GGT6: variants seen among roughly 807,000 people sequenced by gnomAD.
The protein encoded by GGT6 is glutathione hydrolase 6.
A neutral mutation model predicts 17.0 loss-of-function variants in GGT6; 13 were observed. The observed-to-expected ratio is 0.77, with a 90% CI of 0.50 to 1.22. GGT6 has a LOEUF of 1.22. Ranked by LOEUF, GGT6 falls within the 50% of genes most tolerant of loss-of-function variation. The pLI is 0.00. For missense variants in GGT6, 628 were observed against 643.7 expected, an observed-to-expected ratio of 0.98 and a Z score of 0.26; for synonymous variants, 305 against 297.9, an observed-to-expected ratio of 1.02 and a Z score of -0.25.
Position 4,558,127 on chromosome 17 carries a change from G to T in GGT6, c.1388C>A (p.Thr463Lys), listed in dbSNP as rs774815991. 2 of 1,613,408 alleles carry T rather than the reference G, an allele frequency of 1.2e-6. No individual in the cohort carries two copies. Among genetic ancestry groups the T allele is most frequent in the Non-Finnish European group, 1.7e-6 (2 of 1,179,594 alleles). ...QHQHQGQQEP[T>K]EHPSTCGQGT... The stretch of plus-strand genomic sequence containing the variant: ...TTGGCCACAAGTGCTGGGATGCTCT[G>T]TTGGTTCTTGCTGACCCTGATGCTG... The change falls in exon 4 of 4, where the codon ACA becomes AAA. Residue 463 changes from threonine (T) to lysine (K), a missense_variant. Coordinates refer to ENST00000381550, the MANE Select transcript of GGT6 (RefSeq NM_001288702.2).
At position 4,558,068 on chromosome 17, in the gene GGT6, GCT is replaced by G; in HGVS notation, c.1445_1446del (p.Glu482AlafsTer79). On this transcript the variant is annotated frameshift_variant, in exon 4 of 4. Transcript: ENST00000381550. LOFTEE classifies it high-confidence loss of function. ...GTLLQVAAHTEHAHVSSVPHA... is the reference protein window; with the variant it reads ...GTLLQVAAHTXHAHVSSVPHA... Reference sequence around the variant, plus strand: ...TGGGGGACACTGGAGACATGGGCGTGCTCTGTGTGGGCTGCCACCTGGAGCAG... The same window carrying G: ...TGGGGGACACTGGAGACATGGGCGTGCTGTGTGGGCTGCCACCTGGAGCAG... 1 of 1,592,508 alleles carries G rather than the reference GCT, an allele frequency of 6.3e-7. No individual in the cohort carries two copies. Among genetic ancestry groups the G allele is most frequent in the Non-Finnish European group, 8.6e-7 (1 of 1,168,440 alleles).
rs200336856 is a variant in GGT6 at position 4,560,537 on chromosome 17, G to A, written c.-16C>T. 6.5e-5 allele frequency: 104 copies of A among 1,606,944 alleles called. 1 individual carries two copies. Among genetic ancestry groups the A allele is most frequent in the Admixed American group, 4.2e-4 (25 of 60,012 alleles). On this transcript the variant is annotated 5_prime_UTR_variant, in exon 1 of 4. Coordinates refer to ENST00000381550, the MANE Select transcript of GGT6 (RefSeq NM_001288702.2). Reference sequence around the variant, plus strand: ...CCCGCTCCATGGCCCCCCAGTGCTCGCCCCAGCCCTCCTGCCTGCCAGCCT... The same window carrying A: ...CCCGCTCCATGGCCCCCCAGTGCTCACCCCAGCCCTCCTGCCTGCCAGCCT...
At chr17:4,556,775 CAGGAGGT>C (rs56157674), downstream of GGT6, among the ~76,000 whole-genome samples, 12,771 of 152,270 alleles carry the variant, frequency 0.084, 762 homozygotes, top group Non-Finnish European at 0.13. Context: ...CCCCAGGAGG[CAGGAGGT>C]GAGCGGAGCA....
rs1257893094 is a variant in GGT6, at chr17:4,558,344, G to GA, written c.1170dup (p.Leu391SerfsTer12). The GA allele has an allele frequency of 6.2e-7, 1 of 1,609,126 alleles. No individual in the cohort carries two copies. The highest frequency in any genetic ancestry group is 8.5e-7 in the Non-Finnish European group (1 of 1,180,006). On this transcript the variant is annotated frameshift_variant, in exon 4 of 4. Coordinates refer to ENST00000381550, the MANE Select transcript of GGT6 (RefSeq NM_001288702.2). LOFTEE classifies it low-confidence loss of function (END_TRUNC). Reference sequence around the variant, plus strand: ...GACTTGGCCACCAGGTTGCTGAGCAGAACCCCAGTGCTTGGGGACAGGTGT... The same window carrying GA: ...GACTTGGCCACCAGGTTGCTGAGCAGAAACCCCAGTGCTTGGGGACAGGTGT...
At chr17:4,559,285 C>T (rs1269778714) in intron 3 of GGT6, 58 bp downstream of exon 3, 10 of 1,392,172 alleles carry the variant, frequency 7.2e-6, no homozygotes, top group Middle Eastern at 1.7e-4. Flanking sequence ...TCCCTAAGTT[C>T]CAGGTCACTG....
rs370927196 is a variant in GGT6, at chr17:4,559,435, C to T, written c.365G>A (p.Arg122Gln). The T allele has an allele frequency of 1.2e-4, 191 of 1,552,222 alleles. No homozygotes were observed. The highest frequency in any genetic ancestry group is 1.6e-4 in the Non-Finnish European group (180 of 1,147,330). ...SPAATCSHLG[R>Q]ELLVAGGNVV... is the part of the protein sequence containing the mutation. ...GTTGCCCCCGGCAACAAGCAGCTCT[C>T]GGCCTAGGTGGGAGCATGTGGCTGC... Residue 122 changes from arginine (R) to glutamine (Q), a missense_variant, in exon 3 of 4, where the codon CGA (arginine) becomes CAA (glutamine). Arg to Gln is a conservative substitution (Grantham distance 43). Coordinates refer to ENST00000381550, the MANE Select transcript of GGT6 (RefSeq NM_001288702.2).
At chr17:4,559,307 G>C (rs777664092) in intron 3 of GGT6, 36 bp downstream of exon 3, 1 of 1,473,044 alleles carries the variant, frequency 6.8e-7, no homozygotes, top group Admixed American at 2.0e-5. Context: ...TCAGGCTGTG[G>C]GTTGGGGTTG....
intron 3 of GGT6, 85 bp downstream of exon 3, chr17:4,559,258 A>C (rs1342280463): frequency 8.2e-7 from 1 of 1,222,996 alleles, no homozygotes; most frequent in Non-Finnish European, 1.2e-6. Context: ...AGCAGTCTTG[A>C]GGTCAGTGCT....
chr17:4,557,896 G>A lies in GGT6; in HGVS notation c.*119C>T, dbSNP rs1290267501. The A allele has an allele frequency of 1.5e-6, 1 of 669,766 alleles. No individual in the cohort carries two copies. The highest frequency in any genetic ancestry group is 2.5e-6 in the Non-Finnish European group (1 of 406,666). The allele number at this position is 669,766 out of a possible 1,614,324, so 41.5% of individuals were successfully genotyped here. ...CTGCCTTGACCACCCAAAGTGCTGA[G>A]ATTACAGGTGTGAGGCACCACACCC... is the stretch of plus-strand genomic sequence containing the variant. On this transcript the variant is annotated 3_prime_UTR_variant, in exon 4 of 4. Transcript: ENST00000381550.
chr17:4,558,363 C>A lies in GGT6; in HGVS notation c.1152G>T (p.Leu384=). The part of the protein sequence containing the change: ...SLNCSFGSAH[L]SPSTGVLLSN... ...TGAGCAGAACCCCAGTGCTTGGGGA[C>A]AGGTGTGCAGAGCCAAAGGAGCAGT... Residue 384 remains leucine (L), a synonymous_variant, in exon 4 of 4, where the codon CTG becomes CTT. Coordinates refer to ENST00000381550, the MANE Select transcript of GGT6 (RefSeq NM_001288702.2). The A allele has an allele frequency of 6.2e-7, 1 of 1,607,040 alleles. No homozygotes were observed. The highest frequency in any genetic ancestry group is 8.5e-7 in the Non-Finnish European group (1 of 1,179,994).
In GGT6 at chr17:4,559,582, G is replaced by A; in HGVS notation, c.319C>T (p.His107Tyr). 6.2e-7 allele frequency: 1 copy of A among 1,613,814 alleles called. No homozygotes were observed. The highest frequency in any genetic ancestry group is 8.5e-7 in the Non-Finnish European group (1 of 1,179,994). ...GHSHGPGVYH[H>Y]GAIISPAATC... ...CCTGCAGGGCTGATGATGGCACCGTGGTGGTATACGCCAGGGCCGTGGGAG... is the reference window on the plus strand; with the variant it reads ...CCTGCAGGGCTGATGATGGCACCGTAGTGGTATACGCCAGGGCCGTGGGAG... The change falls in exon 2 of 4, where the codon CAC (histidine) becomes TAC (tyrosine). Residue 107 changes from histidine to tyrosine, a missense_variant. His to Tyr is a moderately conservative substitution (Grantham distance 83). Transcript: ENST00000381550.
chr17:4,557,977 A>C lies in GGT6; in HGVS notation c.*38T>G. ...TGCTCTGCTCCTGCCCCCATGCTTC[A>C]GATAACTCTGCCTTCTGCCAGACCC... On this transcript the variant is annotated 3_prime_UTR_variant, in exon 4 of 4. Transcript: ENST00000381550. 1 of 1,355,020 alleles carries C rather than the reference A, an allele frequency of 7.4e-7. No homozygotes were observed. The allele number at this position is 1,355,020 out of a possible 1,614,324, so 83.9% of individuals were successfully genotyped here.
intron 2 of GGT6, 26 bp downstream of exon 2, chr17:4,559,532 C>T: frequency 1.9e-6 from 3 of 1,607,464 alleles, no homozygotes; most frequent in Non-Finnish European, 2.5e-6. Context: ...CCTCCCCTCC[C>T]CAAGCCGCCC....
Position 4,559,198 on chromosome 17 carries a change from G to C in GGT6, c.458-141C>G, listed in dbSNP as rs1003454601. On this transcript the variant is annotated intron_variant, in intron 3 of 3. Transcript: ENST00000381550. ...AAGTTCCACAGACCCGGGCTCAAGGGTCATAGCCTGGGGTTGGACTGCTGC... is the reference window on the plus strand; with the variant it reads ...AAGTTCCACAGACCCGGGCTCAAGGCTCATAGCCTGGGGTTGGACTGCTGC... 6 of 1,261,208 alleles carry C rather than the reference G, an allele frequency of 4.8e-6. No homozygotes were observed. The Admixed American group carries it at 8.3e-5, about 18-fold the overall frequency. 78.1% of individuals were successfully genotyped at this position (1,261,208 alleles called of 1,614,324 possible).
rs759427541 is a variant in GGT6, at chr17:4,559,740, G to A, written c.161C>T (p.Pro54Leu). The change falls in exon 2 of 4, where the codon CCC (proline) becomes CTC (leucine). Residue 54 changes from proline to leucine, a missense_variant. Transcript: ENST00000381550. ...TGCCACTACACGGGCCCAGGTTCCGGGCAGCCCGCCAGCCTTGTTCCTGCA... is the reference window on the plus strand; with the variant it reads ...TGCCACTACACGGGCCCAGGTTCCGAGCAGCCCGCCAGCCTTGTTCCTGCA... The part of the protein sequence containing the change: ...DSSRNKAGGL[P>L]GTWARVVAAL... 34 of 1,611,460 alleles carry A rather than the reference G, an allele frequency of 2.1e-5. No individual in the cohort carries two copies. Among genetic ancestry groups the A allele is most frequent in the Admixed American group, 5.0e-5 (3 of 59,996 alleles).
At chr17:4,559,894 C>T (rs954064362) in intron 1 of GGT6, 134 bp from the exon 2 acceptor site, 36 of 768,928 alleles carry the variant, frequency 4.7e-5, no homozygotes, top group Admixed American at 1.0e-4. Flanking sequence ...GAAAGGGCTT[C>T]TTGGCAGCGG....
In GGT6 at chr17:4,558,529, A is replaced by T. The variant is rs199762901; in HGVS notation, c.986T>A (p.Leu329Gln). ...SPSAGPELLA[L>Q]LEAALRSGAP... ...CCCGGAGCGCAGGGCTGCCTCCAACAGTGCCAGCAGTTCTGGGCCAGCTGA... is the reference window on the plus strand; with the variant it reads ...CCCGGAGCGCAGGGCTGCCTCCAACTGTGCCAGCAGTTCTGGGCCAGCTGA... The change falls in exon 4 of 4, where the codon CTG becomes CAG. Residue 329 changes from leucine (L) to glutamine (Q), a missense_variant. Leu to Gln is a moderately radical substitution (Grantham distance 113). Transcript: ENST00000381550. 1.8e-4 allele frequency: 293 copies of T among 1,586,532 alleles called. 4 individuals are homozygous for T. The East Asian group carries it at 4.1e-3, about 22-fold the overall frequency.
rs946895949 is a variant in GGT6, at chr17:4,558,986, G to C, written c.529C>G (p.Gln177Glu). Reference protein sequence around the residue: ...NSTALTSGPAQTLAPGLGLPA... With the variant: ...NSTALTSGPAETLAPGLGLPA... ...AGCCCCAGGCCGGGGGCCAGGGTCT[G>C]TGCTGGGCCTGATGTCAGGGCCGTG... Residue 177 changes from glutamine (Q) to glutamate (E), a missense_variant, in exon 4 of 4, where the codon CAG becomes GAG. Gln to Glu is a conservative substitution (Grantham distance 29, BLOSUM62 2). Transcript: ENST00000381550. 2.6e-6 allele frequency: 4 copies of C among 1,545,816 alleles called. No homozygotes were observed. In the South Asian group the frequency reaches 4.8e-5, roughly 18 times the overall value.
In GGT6 at chr17:4,557,798, A is replaced by G. The variant is rs1005275588; in HGVS notation, c.*217T>C. 6.5e-6 allele frequency: 3 copies of G among 460,684 alleles called. No homozygotes were observed. Among genetic ancestry groups the G allele is most frequent in the African/African-American group, 5.9e-5 (3 of 50,766 alleles). 28.5% of individuals were successfully genotyped at this position (460,684 alleles called of 1,614,324 possible). ...GTGCCACCGCCCCTGGCAAATTTTT[A>G]AATTTTTAGTACAGATGAGATCTTG... is the stretch of plus-strand genomic sequence containing the variant. On this transcript the variant is annotated 3_prime_UTR_variant, in exon 4 of 4. Transcript: ENST00000381550.
Sources: allele counts gnomAD v4.1 joint callset (sites outside exome capture counted in the v4.1 genomes callset), GRCh38; gene constraint gnomAD v4.1.1; transcripts MANE v1.5; gene names NCBI Gene and HGNC (gene_info 2026-07-23, HGNC 2026-07-21).